SCAI: variants seen among roughly 807,000 people sequenced by gnomAD.
SCAI encodes the protein protein SCAI.
In SCAI, 24 loss-of-function variants were observed where a neutral mutation model predicts 92.2. That is an observed-to-expected ratio of 0.26 (90% CI 0.19 to 0.37). The LOEUF (loss-of-function observed/expected upper bound fraction) is 0.37. Ranked by LOEUF, SCAI falls within the 10% of genes least tolerant of loss-of-function variation. SCAI has a pLI of 1.00. For missense variants in SCAI, 450 were observed against 736.2 expected (o/e 0.61, Z 4.50); for synonymous variants, 261 against 258.6 (o/e 1.01, Z -0.09).
intron 2 of SCAI, among the ~76,000 whole-genome samples, chr9:125,118,843 T>C (rs1264183715): frequency 2.0e-5 from 3 of 152,214 alleles, no homozygotes; most frequent in African/African-American, 7.2e-5. Context: ...GGATGATGGC[T>C]TCCAGCTTTA....
At chr9:124,986,942 G>T (rs1832005293) in intron 14 of SCAI, among the ~76,000 whole-genome samples, 1 of 152,118 alleles carries the variant, frequency 6.6e-6, no homozygotes, top group African/African-American at 2.4e-5. Context: ...TCACAGGCAG[G>T]GATCCAGCTA....
At chr9:125,085,215 G>A (rs1016069120) in intron 2 of SCAI, among the ~76,000 whole-genome samples, 6 of 152,288 alleles carry the variant, frequency 3.9e-5, no homozygotes, top group African/African-American at 9.6e-5. Flanking sequence ...AGACGGGTGC[G>A]GTGGCTTATG....
chr9:125,129,448 GAATTT>G (rs1232586455), intron 2 of SCAI, among the ~76,000 whole-genome samples: 1 of 120,340 alleles, frequency 8.3e-6, no homozygotes, highest in African/African-American at 3.1e-5. Context: ...GAAAGAATTA[GAATTT>G]CTTTTTTTTT....
At chr9:125,099,169 G>A (rs1157224892) in intron 2 of SCAI, among the ~76,000 whole-genome samples, 2 of 151,976 alleles carry the variant, frequency 1.3e-5, no homozygotes, top group African/African-American at 2.4e-5. Context: ...GGAATTTTAA[G>A]AATACATATT....
intron 3 of SCAI, among the ~76,000 whole-genome samples, chr9:125,048,808 TG>T (rs1833498823): frequency 6.6e-6 from 1 of 152,090 alleles, no homozygotes; most frequent in South Asian, 2.1e-4. Flanking sequence ...GGCAATGGCG[TG>T]ATCTCGGCTC....
chr9:125,038,912 A>G (rs1449569435), intron 3 of SCAI, among the ~76,000 whole-genome samples: 2 of 152,154 alleles, frequency 1.3e-5, no homozygotes, highest in African/African-American at 2.4e-5. Context: ...TTATCTCCTT[A>G]TAGTTCTATG....
chr9:124,999,022 T>C (rs368585006), intron 13 of SCAI, among the ~76,000 whole-genome samples: 11 of 152,088 alleles, frequency 7.2e-5, no homozygotes, highest in Admixed American at 5.2e-4. Context: ...CACAATACAT[T>C]ACAAATATAG....
At chr9:125,081,356 C>T (rs1834213478) in intron 2 of SCAI, among the ~76,000 whole-genome samples, 1 of 152,148 alleles carries the variant, frequency 6.6e-6, no homozygotes, top group African/African-American at 2.4e-5. Flanking sequence ...AAAATCCAGG[C>T]TGAGGTGCTC....
intron 4 of SCAI, among the ~76,000 whole-genome samples, chr9:125,029,282 T>A (rs979518046): frequency 6.6e-6 from 1 of 151,908 alleles, no homozygotes; most frequent in African/African-American, 2.4e-5. Flanking sequence ...CCACCACACC[T>A]GGCTAATTTT....
At chr9:125,019,063 C>T in intron 8 of SCAI, 44 bp downstream of exon 8, 1 of 1,520,744 alleles carries the variant, frequency 6.6e-7, no homozygotes, top group Non-Finnish European at 9.0e-7. Context: ...ACTACACGGT[C>T]ATTTATTTAT....
chr9:125,035,850 G>A (rs182204950), intron 3 of SCAI, among the ~76,000 whole-genome samples: 1 of 152,292 alleles, frequency 6.6e-6, no homozygotes, highest in Admixed American at 6.5e-5. Context: ...TTGAGGCCAG[G>A]AGTTCGAGAC....
intron 2 of SCAI, among the ~76,000 whole-genome samples, chr9:125,136,169 G>A (rs1274424505): frequency 6.8e-6 from 1 of 147,356 alleles, no homozygotes; most frequent in African/African-American, 2.5e-5. Flanking sequence ...GGAGTGCAGT[G>A]GTGCAATCAT....
chr9:125,083,270 C>T (rs941709323), intron 2 of SCAI, among the ~76,000 whole-genome samples: 1 of 152,086 alleles, frequency 6.6e-6, no homozygotes, highest in African/African-American at 2.4e-5. Flanking sequence ...GTAATCCCAG[C>T]ACTTTAGGAG....
At chr9:125,117,769 T>A (rs1835077782) in intron 2 of SCAI, among the ~76,000 whole-genome samples, 1 of 149,180 alleles carries the variant, frequency 6.7e-6, no homozygotes, top group African/African-American at 2.5e-5. Flanking sequence ...GGGACTTCAA[T>A]AAACCCTCAC....
At chr9:124,974,947 T>C (rs188980760) in intron 15 of SCAI, among the ~76,000 whole-genome samples, 6 of 152,268 alleles carry the variant, frequency 3.9e-5, no homozygotes, top group Non-Finnish European at 7.4e-5. Flanking sequence ...CCAAAGTCTG[T>C]TTTTCTCCTC....
rs976887284 is a variant in SCAI at position 125,058,612 on chromosome 9, A to C, written c.99-2605T>G. Among the ~76,000 whole-genome samples, 11 of 152,214 alleles carry C rather than the reference A, an allele frequency of 7.2e-5. No individual in the cohort carries two copies. In the South Asian group the frequency reaches 2.1e-3, roughly 29 times the overall value. ...TGTCTACATAAGCACACACAGATGC[A>C]TACTCCCTAGCTCTGTAATTCTATC... On this transcript the variant is annotated intron_variant, in intron 2 of 17. Transcript: ENST00000336505.
In SCAI at chr9:125,129,184, T is replaced by TA. The variant is rs534272981; in HGVS notation, c.98+13448dup. Among the ~76,000 whole-genome samples, 1,069 of 152,086 alleles carry TA rather than the reference T, an allele frequency of 7.0e-3. 10 individuals are homozygous for TA. The highest frequency in any genetic ancestry group is 9.1e-3 in the Non-Finnish European group (621 of 67,988). ...ACAGGCACAGTGGCACTCACGCCTG[T>TA]AATCCTAGCACTTTGAGAGGCTGAG... On this transcript the variant is annotated intron_variant, in intron 2 of 17. Transcript: ENST00000336505.
chr9:124,978,947 G>A (rs554784481), intron 14 of SCAI, among the ~76,000 whole-genome samples: 5 of 151,702 alleles, frequency 3.3e-5, no homozygotes, highest in East Asian at 3.9e-4. Context: ...TGTAACCTCC[G>A]CTGCCCAGGT....
At chr9:124,956,978 A>T (rs1831324522) in intron 17 of SCAI, among the ~76,000 whole-genome samples, 1 of 149,030 alleles carries the variant, frequency 6.7e-6, no homozygotes, top group African/African-American at 2.5e-5. Flanking sequence ...GCAGGACACA[A>T]GGTCAACTGT....
Sources: gnomAD v4.1 joint callset for allele counts (sites outside exome capture counted in the v4.1 genomes callset) on GRCh38, gnomAD v4.1.1 for gene constraint, MANE v1.5 for transcripts, NCBI Gene and HGNC (gene_info 2026-07-23, HGNC 2026-07-21) for gene names.